Variants in NLGN1 observed in about 807,000 individuals in gnomAD.
NLGN1 encodes neuroligin-1.
In NLGN1, 12 loss-of-function variants were observed where a neutral mutation model predicts 65.5. That is an observed-to-expected ratio of 0.18 (90% CI 0.12 to 0.30). The LOEUF (loss-of-function observed/expected upper bound fraction) is 0.30. NLGN1 is among the 10% of genes least tolerant of loss of function. The pLI is 1.00. For synonymous variants in NLGN1, 350 were observed against 359.5 expected (o/e 0.97, Z 0.30); for missense variants, 750 against 1,007.1 (o/e 0.74, Z 3.46).
At chr3:173,530,575 A>G (rs188099536) in intron 2 of NLGN1, among the ~76,000 whole-genome samples, 76 of 152,270 alleles carry the variant, frequency 5.0e-4, no homozygotes, top group Middle Eastern at 6.8e-3. Context: ...TGAATTAAAA[A>G]TTTTCATCAT....
chr3:173,740,421 C>T (rs1481220600), intron 3 of NLGN1, among the ~76,000 whole-genome samples: 1 of 152,060 alleles, frequency 6.6e-6, no homozygotes, highest in Non-Finnish European at 1.5e-5. Flanking sequence ...ATATTTTGCA[C>T]ATAGCACATT....
At chr3:173,559,483 A>T (rs1262127594) in intron 2 of NLGN1, among the ~76,000 whole-genome samples, 1 of 152,150 alleles carries the variant, frequency 6.6e-6, no homozygotes, top group African/African-American at 2.4e-5. Context: ...CCTTGTCTGG[A>T]CTTTGATTCA....
At position 173,539,661 on chromosome 3, in the gene NLGN1, A is replaced by G. The variant is rs1298440734; in HGVS notation, c.-320-64618A>G. The stretch of plus-strand genomic sequence containing the variant: ...ATATATACATATATAACATATGTGT[A>G]TATATGCACATATATAACATACATA... On this transcript the variant is annotated intron_variant, in intron 2 of 6. Transcript: ENST00000457714. 1.0e-3 allele frequency among the ~76,000 whole-genome samples: 136 copies of G among 135,150 alleles called. 1 individual carries two copies. The highest frequency in any genetic ancestry group is 4.0e-3 in the African/African-American group (127 of 31,792). 88.7% of individuals were successfully genotyped at this position (135,150 alleles called of 152,430 possible). A position where few individuals can be genotyped will look rare whatever the true frequency, so the allele number is the denominator to read the frequency against.
intron 4 of NLGN1, among the ~76,000 whole-genome samples, chr3:173,904,874 C>A (rs763825691): frequency 4.6e-5 from 7 of 152,130 alleles, no homozygotes; most frequent in Admixed American, 1.3e-4. Context: ...CAATAGCACA[C>A]GCTGATTATA....
At chr3:173,854,858 C>A (rs73035406) in intron 4 of NLGN1, among the ~76,000 whole-genome samples, 1 of 151,994 alleles carries the variant, frequency 6.6e-6, no homozygotes, top group Non-Finnish European at 1.5e-5. Context: ...TTACATCTAG[C>A]GGGTAGAAGA....
At chr3:173,544,165 G>A (rs1366426723) in intron 2 of NLGN1, among the ~76,000 whole-genome samples, 1 of 151,734 alleles carries the variant, frequency 6.6e-6, no homozygotes, top group Non-Finnish European at 1.5e-5. Flanking sequence ...AGCATGCCAA[G>A]TCATCATAAA....
chr3:173,892,881 T>C (rs549898922), intron 4 of NLGN1, among the ~76,000 whole-genome samples: 1 of 152,230 alleles, frequency 6.6e-6, no homozygotes, highest in Non-Finnish European at 1.5e-5. Context: ...CTGACAGCCA[T>C]TGTAGTAGGT....
intron 2 of NLGN1, among the ~76,000 whole-genome samples, chr3:173,448,110 T>C (rs1016353972): frequency 1.3e-5 from 2 of 151,936 alleles, no homozygotes; most frequent in African/African-American, 4.8e-5. Flanking sequence ...TGAATAGGAG[T>C]GGTGAGAGAG....
At chr3:174,122,994 G>A (rs571764451) in intron 4 of NLGN1, among the ~76,000 whole-genome samples, 1 of 152,052 alleles carries the variant, frequency 6.6e-6, no homozygotes, top group East Asian at 1.9e-4. Context: ...GCAAGCATAT[G>A]TGCAAATATC....
chr3:173,495,082 T>C (rs1729780855), intron 2 of NLGN1, among the ~76,000 whole-genome samples: 1 of 151,870 alleles, frequency 6.6e-6, no homozygotes, highest in East Asian at 1.9e-4. Context: ...GAATCTTTTG[T>C]AATTTGAGGA....
chr3:174,186,755 C>T (rs1398586556), intron 4 of NLGN1, among the ~76,000 whole-genome samples: 2 of 151,960 alleles, frequency 1.3e-5, no homozygotes, highest in Non-Finnish European at 2.9e-5. Flanking sequence ...ATTTATTGCA[C>T]ACTTACTATG....
At chr3:173,452,202 C>CT (rs572500549) in intron 2 of NLGN1, among the ~76,000 whole-genome samples, 15,418 of 146,532 alleles carry the variant, frequency 0.11, 856 homozygotes, top group Admixed American at 0.14. Flanking sequence ...TCTTGGCTTC[C>CT]TTTTTTTTTT....
intron 4 of NLGN1, among the ~76,000 whole-genome samples, chr3:173,902,217 T>C (rs998511294): frequency 3.3e-5 from 5 of 152,092 alleles, no homozygotes; most frequent in Admixed American, 2.0e-4. Context: ...TCATAGTTTT[T>C]CCACTCCTCC....
intron 4 of NLGN1, among the ~76,000 whole-genome samples, chr3:174,004,583 C>T (rs868553478): frequency 6.6e-6 from 1 of 152,008 alleles, no homozygotes; most frequent in South Asian, 2.1e-4. Context: ...TTCTATTTAA[C>T]GAAATTAGAT....
At chr3:174,146,267 C>T (rs1166689013) in intron 4 of NLGN1, among the ~76,000 whole-genome samples, 3 of 151,994 alleles carry the variant, frequency 2.0e-5, no homozygotes, top group African/African-American at 4.8e-5. Context: ...TCATGTTGTA[C>T]ACTTTGAGTA....
intron 4 of NLGN1, among the ~76,000 whole-genome samples, chr3:173,964,536 A>G (rs1714365764): frequency 6.6e-6 from 1 of 152,200 alleles, no homozygotes; most frequent in South Asian, 2.1e-4. Flanking sequence ...CTTTCTGGTG[A>G]TAGAATATCA....
intron 1 of NLGN1, among the ~76,000 whole-genome samples, chr3:173,433,137 T>C (rs73883137): frequency 0.029 from 4,403 of 152,254 alleles, 209 homozygotes; most frequent in African/African-American, 0.1. Context: ...ATTTACCTAT[T>C]TGACCGATTG....
At chr3:173,453,275 G>T (rs1463495854) in intron 2 of NLGN1, among the ~76,000 whole-genome samples, 1 of 151,684 alleles carries the variant, frequency 6.6e-6, no homozygotes, top group African/African-American at 2.4e-5. Flanking sequence ...GTGTGTGTGT[G>T]TTTTGTAGAG....
At chr3:173,960,642 A>G (rs1238009814) in intron 4 of NLGN1, among the ~76,000 whole-genome samples, 1 of 152,062 alleles carries the variant, frequency 6.6e-6, no homozygotes, top group Non-Finnish European at 1.5e-5. Flanking sequence ...GATATAGGAT[A>G]ATCATTTAAA....
Sources: gnomAD v4.1 joint callset for allele counts (sites outside exome capture counted in the v4.1 genomes callset) on GRCh38, gnomAD v4.1.1 for gene constraint, MANE v1.5 for transcripts, NCBI Gene and HGNC (gene_info 2026-07-23, HGNC 2026-07-21) for gene names.